TRMT13: variants seen among roughly 807,000 people sequenced by gnomAD.
The protein encoded by TRMT13 is tRNA methyltransferase 13.
Under a neutral mutation model 55.9 loss-of-function variants are expected in TRMT13, and 45 were observed. That is an observed-to-expected ratio of 0.80 (90% CI 0.63 to 1.03). The LOEUF (loss-of-function observed/expected upper bound fraction) is 1.03. TRMT13 is among the 50% of genes least tolerant of loss of function. TRMT13 has a pLI of 0.00. For missense variants in TRMT13, 513 were observed against 563.9 expected, an observed-to-expected ratio of 0.91 and a Z score of 0.91; for synonymous variants, 183 against 196.3, an observed-to-expected ratio of 0.93 and a Z score of 0.57.
At chr1:100,141,551 C>T (rs1053387589) in intron 7 of TRMT13, among the ~76,000 whole-genome samples, 17 of 152,072 alleles carry the variant, frequency 1.1e-4, no homozygotes, top group South Asian at 2.1e-4. Flanking sequence ...AGGCTGGTGT[C>T]GAACTCCTGA....
intron 6 of TRMT13, 124 bp from the exon 7 acceptor site, chr1:100,140,727 AT>A: frequency 9.5e-7 from 1 of 1,054,170 alleles, no homozygotes; most frequent in South Asian, 1.7e-5. Flanking sequence ...AGAGAGAAAA[AT>A]TTTAAGTCAA....
At chr1:100,146,500 CTTAA>C in intron 9 of TRMT13, among the ~76,000 whole-genome samples, 1 of 151,642 alleles carries the variant, frequency 6.6e-6, no homozygotes, top group East Asian at 1.9e-4. Context: ...TCTGAAATAA[CTTAA>C]TTCTTTTTTT....
chr1:100,148,425 TATA>T, intron 10 of TRMT13, 99 bp downstream of exon 10: 1 of 1,294,602 alleles, frequency 7.7e-7, no homozygotes, highest in Non-Finnish European at 1.1e-6. Flanking sequence ...AAATGTATTT[TATA>T]ATCTAATTTT....
At chr1:100,146,747 G>C (rs1259937464) in intron 9 of TRMT13, among the ~76,000 whole-genome samples, 1 of 152,100 alleles carries the variant, frequency 6.6e-6, no homozygotes, top group African/African-American at 2.4e-5. Flanking sequence ...CTCGTGATCT[G>C]CCCACCTCAG....
rs1030753877 is a variant in TRMT13, at chr1:100,149,416, A to T, written c.*596A>T. ...TATATATTGTCAGAATCTGTCCATG[A>T]CAAACACAAAACTGAAGAGCTGTTT... On this transcript the variant is annotated 3_prime_UTR_variant, in exon 11 of 11. Transcript: ENST00000370141. 1 of 1,544,628 alleles carries T rather than the reference A, an allele frequency of 6.5e-7. No individual in the cohort carries two copies. The highest frequency in any genetic ancestry group is 8.7e-7 in the Non-Finnish European group (1 of 1,144,936).
At position 100,133,314 on chromosome 1, in the gene TRMT13, AGGTGT is replaced by A. The variant is rs757859710; in HGVS notation, c.147+3_147+7del. 6.2e-7 allele frequency: 1 copy of A among 1,613,764 alleles called. No individual in the cohort carries two copies. Among genetic ancestry groups the A allele is most frequent in the East Asian group, 2.2e-5 (1 of 44,878 alleles). On this transcript the variant is annotated splice_donor_variant and splice_donor_region_variant and coding_sequence_variant and intron_variant, in exon 1 of 11. Coordinates refer to ENST00000370141, the MANE Select transcript of TRMT13 (RefSeq NM_019083.3). LOFTEE classifies it high-confidence loss of function. ...TGTGGTGAACACGCTGGAGCCGCGG[AGGTGT>A]GGTATCGCCCTACTCTCTCAAGAGT...
intron 9 of TRMT13, chr1:100,144,674 G>A (rs1251033839): frequency 6.6e-6 from 1 of 152,136 alleles, no homozygotes; most frequent in African/African-American, 2.4e-5. Flanking sequence ...CTAGCCTTCA[G>A]CTTTGTTGTG....
At chr1:100,142,860 A>G (rs1336096041) in intron 7 of TRMT13, 1 of 389,936 alleles carries the variant, frequency 2.6e-6, no homozygotes, top group Non-Finnish European at 4.6e-6. Flanking sequence ...ACAATCTTAG[A>G]TAAATCACTT....
intron 1 of TRMT13, among the ~76,000 whole-genome samples, chr1:100,134,689 T>C (rs1655567041): frequency 6.6e-6 from 1 of 152,200 alleles, no homozygotes; most frequent in Non-Finnish European, 1.5e-5. Flanking sequence ...ATGAGAGTTA[T>C]GATAGGAGAA....
At position 100,139,688 on chromosome 1, in the gene TRMT13, G is replaced by A; in HGVS notation, c.301G>A (p.Glu101Lys). The change falls in exon 4 of 11, where the codon GAA becomes AAA. Residue 101 changes from glutamate to lysine, a missense_variant. Physicochemically the swap from Glu to Lys is moderately conservative, Grantham distance 56. This residue lies in a region of TRMT13 where 298 missense variants were observed against 290.3 expected (regional missense o/e 1.03). Coordinates refer to ENST00000370141, the MANE Select transcript of TRMT13 (RefSeq NM_019083.3). Reference sequence around the variant, plus strand: ...AGATATTAATGCAGGCTTAAGAGATGAAACAGAAATACCTGAACAATTAGT... The same window carrying A: ...AGATATTAATGCAGGCTTAAGAGATAAAACAGAAATACCTGAACAATTAGT... ...IQDINAGLRD[E>K]TEIPEQLVPI... The A allele has an allele frequency of 6.5e-7, 1 of 1,538,544 alleles. No individual in the cohort carries two copies. The highest frequency in any genetic ancestry group is 9.0e-7 in the Non-Finnish European group (1 of 1,115,350).
chr1:100,141,785 A>G (rs1028038547), intron 7 of TRMT13, among the ~76,000 whole-genome samples: 1 of 152,248 alleles, frequency 6.6e-6, no homozygotes, highest in African/African-American at 2.4e-5. Flanking sequence ...GAGAATGACT[A>G]TGTAGAAAAG....
intron 1 of TRMT13, among the ~76,000 whole-genome samples, chr1:100,134,935 T>C (rs1655611108): frequency 1.3e-5 from 2 of 152,214 alleles, no homozygotes; most frequent in African/African-American, 4.8e-5. Flanking sequence ...TAACTGGATG[T>C]TGTGTTTCCA....
At chr1:100,143,384 G>A (rs57429480) in intron 8 of TRMT13, among the ~76,000 whole-genome samples, 175 bp downstream of exon 8, 2 of 152,146 alleles carry the variant, frequency 1.3e-5, no homozygotes, top group Non-Finnish European at 2.9e-5. Context: ...ATTGAATTAA[G>A]GTTGAGAATT....
chr1:100,139,353 T>C (rs1310749715), intron 3 of TRMT13, among the ~76,000 whole-genome samples: 1 of 152,246 alleles, frequency 6.6e-6, no homozygotes, highest in African/African-American at 2.4e-5. Flanking sequence ...TAATAAGTGT[T>C]ACAAATGAAT....
chr1:100,144,131 G>A lies in TRMT13; in HGVS notation c.805G>A (p.Gly269Ser), dbSNP rs774204008. The change falls in exon 9 of 11, where the codon GGT becomes AGT. Residue 269 changes from glycine to serine, a missense_variant. Coordinates refer to ENST00000370141, the MANE Select transcript of TRMT13 (RefSeq NM_019083.3). ...GGTAGGAATTGGAAAGCATCTGTGT[G>A]GTATGGCAACAGGTACGTAAACATA... ...PVVGIGKHLC[G>S]MATDLALRCL... The A allele has an allele frequency of 3.7e-6, 6 of 1,613,170 alleles. No homozygotes were observed. Among genetic ancestry groups the A allele is most frequent in the East Asian group, 4.5e-5 (2 of 44,812 alleles).
intron 9 of TRMT13, 132 bp downstream of exon 9, chr1:100,144,275 C>G: frequency 1.6e-6 from 1 of 645,072 alleles, no homozygotes; most frequent in Non-Finnish European, 2.7e-6. Context: ...AGAGCACTGG[C>G]CCTGTGCTTT....
rs1657657588 is a variant in TRMT13 at position 100,148,978 on chromosome 1, C to A, written c.*158C>A. 1 of 1,395,448 alleles carries A rather than the reference C, an allele frequency of 7.2e-7. No homozygotes were observed. Among genetic ancestry groups the A allele is most frequent in the East Asian group, 2.5e-5 (1 of 39,222 alleles). 86.4% of individuals were successfully genotyped at this position (1,395,448 alleles called of 1,614,324 possible). A position where few individuals can be genotyped will look rare whatever the true frequency, so the allele number is the denominator to read the frequency against. ...TTGGTAATAGCTTTTCTTTTTACTT[C>A]AGAAATCCAAACATTAGAGAATTCA... is the stretch of plus-strand genomic sequence containing the variant. On this transcript the variant is annotated 3_prime_UTR_variant, in exon 11 of 11. Coordinates refer to ENST00000370141, the MANE Select transcript of TRMT13 (RefSeq NM_019083.3).
At position 100,145,967 on chromosome 1, in the gene TRMT13, C is replaced by T. The variant is rs371483045; in HGVS notation, c.817+1824C>T. Among the ~76,000 whole-genome samples the T allele has an allele frequency of 3.9e-4, 60 of 152,344 alleles. No homozygotes were observed. The South Asian group carries it at 0.011, about 28-fold the overall frequency. ...TCCTGATATAGTCCAAACTCTTTGA[C>T]ATAACGTTTTAGTCTCAATCTGGCT... On this transcript the variant is annotated intron_variant, in intron 9 of 10. Transcript: ENST00000370141.
At chr1:100,142,277 T>C (rs1656732213) in intron 7 of TRMT13, among the ~76,000 whole-genome samples, 1 of 152,048 alleles carries the variant, frequency 6.6e-6, no homozygotes, top group Non-Finnish European at 1.5e-5. Context: ...GTTGGTAAAG[T>C]AGAAGGAAAT....
Sources: allele counts gnomAD v4.1 joint callset (sites outside exome capture counted in the v4.1 genomes callset), GRCh38; gene constraint gnomAD v4.1.1; regional missense constraint gnomAD v4.1.1; transcripts MANE v1.5; gene names NCBI Gene and HGNC (gene_info 2026-07-23, HGNC 2026-07-21).